DNAH3: variants seen among roughly 807,000 people sequenced by gnomAD.
DNAH3 encodes the protein dynein axonemal heavy chain 3, also known as axonemal beta dynein heavy chain 3.
A neutral mutation model predicts 432.5 loss-of-function variants in DNAH3; 332 were observed. That is an observed-to-expected ratio of 0.77 (90% CI 0.70 to 0.84). The LOEUF (loss-of-function observed/expected upper bound fraction) is 0.84, where lower values mean the gene tolerates loss of function less well. Ranked by LOEUF, DNAH3 falls within the 40% of genes least tolerant of loss-of-function variation. The pLI, the probability that DNAH3 is intolerant of heterozygous loss-of-function variation, is 0.00. For missense variants in DNAH3, 4,861 were observed against 5,114.0 expected, an observed-to-expected ratio of 0.95 and a Z score of 1.51; for synonymous variants, 1,956 against 1,900.2, an observed-to-expected ratio of 1.03 and a Z score of -0.76.
At chr16:21,155,199 C>T (rs2092890165) in intron 1 of DNAH3, among the ~76,000 whole-genome samples, 1 of 152,026 alleles carries the variant, frequency 6.6e-6, no homozygotes. Flanking sequence ...ATCTGCCCAC[C>T]TCCGCCTCCC....
intron 56 of DNAH3, among the ~76,000 whole-genome samples, chr16:20,952,043 A>G (rs899366251): frequency 2.0e-5 from 3 of 151,816 alleles, no homozygotes; most frequent in Non-Finnish European, 2.9e-5. Context: ...ACGCCTGGCC[A>G]ATTTTTTAAT....
chr16:20,980,170 A>AAAAT (rs1555516900), intron 49 of DNAH3, among the ~76,000 whole-genome samples: 1 of 133,642 alleles, frequency 7.5e-6, no homozygotes, highest in Non-Finnish European at 1.6e-5. Context: ...TAGAAAAAAA[A>AAAAT]ATATATATAT....
At chr16:21,060,243 T>C in intron 26 of DNAH3, 21 bp downstream of exon 26, 1 of 1,593,344 alleles carries the variant, frequency 6.3e-7, no homozygotes, top group Non-Finnish European at 8.6e-7. Context: ...TCCTGGCATG[T>C]GTACCCCGGT....
intron 44 of DNAH3, among the ~76,000 whole-genome samples, chr16:20,995,038 C>T (rs1567606574): frequency 6.6e-6 from 1 of 151,886 alleles, no homozygotes; most frequent in African/African-American, 2.4e-5. Context: ...AAGGTTCAAG[C>T]GATCCTCCTG....
intron 17 of DNAH3, among the ~76,000 whole-genome samples, chr16:21,098,216 T>C (rs1417117360): frequency 6.6e-6 from 1 of 151,374 alleles, no homozygotes; most frequent in Non-Finnish European, 1.5e-5. Context: ...ATGAGGCAGG[T>C]GGATCACTTG....
intron 44 of DNAH3, among the ~76,000 whole-genome samples, chr16:20,995,137 T>G (rs2086709904): frequency 6.6e-6 from 1 of 152,072 alleles, no homozygotes; most frequent in Non-Finnish European, 1.5e-5. Context: ...GTAGAGATGG[T>G]GTTTCGCCAA....
chr16:20,998,236 A>G (rs1232550456), intron 43 of DNAH3, among the ~76,000 whole-genome samples: 1 of 152,018 alleles, frequency 6.6e-6, no homozygotes, highest in Non-Finnish European at 1.5e-5. Flanking sequence ...CTAGGCCTTG[A>G]GCTGGAGTTT....
chr16:21,075,356 C>T, intron 21 of DNAH3, 91 bp downstream of exon 21: 1 of 910,582 alleles, frequency 1.1e-6, no homozygotes, highest in Non-Finnish European at 1.8e-6. Flanking sequence ...TCTGTGAGTT[C>T]TGTTGCCATT....
chr16:21,144,647 T>G (rs186286129), intron 3 of DNAH3, among the ~76,000 whole-genome samples: 1 of 152,310 alleles, frequency 6.6e-6, no homozygotes, highest in East Asian at 1.9e-4. Context: ...TTGGAATAAC[T>G]TATCATGCAA....
In DNAH3 at chr16:20,990,239, C is replaced by G. The variant is rs535273015; in HGVS notation, c.6602-2174G>C. On this transcript the variant is annotated intron_variant, in intron 44 of 61. Coordinates refer to ENST00000261383, the Ensembl canonical transcript of DNAH3. ...TTACCTTATACGCGCCAAATCCATT[C>G]TCCCCTGCTAATTTGGTATCCTTAT... 7.2e-4 allele frequency among the ~76,000 whole-genome samples: 110 copies of G among 152,384 alleles called. No individual in the cohort carries two copies. In the Middle Eastern group the frequency reaches 0.01, roughly 14 times the overall value.
intron 29 of DNAH3, 126 bp from the exon 30 acceptor site, chr16:21,050,144 T>C (rs1378469593): frequency 4.3e-6 from 3 of 691,776 alleles, no homozygotes; most frequent in Non-Finnish European, 7.2e-6. Flanking sequence ...TTTTTGCCAT[T>C]GAAAGTAATG....
At chr16:21,029,329 T>G (rs2088751014) in intron 37 of DNAH3, among the ~76,000 whole-genome samples, 1 of 152,232 alleles carries the variant, frequency 6.6e-6, no homozygotes, top group African/African-American at 2.4e-5. Flanking sequence ...TTAAACACAG[T>G]TAGAAAATAT....
intron 38 of DNAH3, among the ~76,000 whole-genome samples, chr16:21,025,015 C>T (rs1182781644): frequency 6.6e-6 from 1 of 152,152 alleles, no homozygotes; most frequent in Non-Finnish European, 1.5e-5. Flanking sequence ...ACCTCCGCCT[C>T]CCTGGTTCAA....
rs1233125486 is a variant in DNAH3 at position 20,975,426 on chromosome 16, G to T, written c.8077-11C>A. 3.1e-6 allele frequency: 5 copies of T among 1,608,734 alleles called. No individual in the cohort carries two copies. The South Asian group carries it at 5.6e-5, about 18-fold the overall frequency. On this transcript the variant is annotated splice_polypyrimidine_tract_variant and intron_variant, in intron 50 of 61. Coordinates refer to ENST00000261383, the Ensembl canonical transcript of DNAH3. ...TTGCATAACCGCTACCTAGCAAGGA[G>T]AGAGGTGGGAGAAATCCAGGGTCAG...
At chr16:20,933,646 C>A in intron 61 of DNAH3, 139 bp from the exon 62 acceptor site, 1 of 672,816 alleles carries the variant, frequency 1.5e-6, no homozygotes, top group Non-Finnish European at 2.5e-6. Context: ...GACAATGGGG[C>A]TTCTGTGATA....
intron 29 of DNAH3, 41 bp from the exon 30 acceptor site, chr16:21,050,059 G>T: frequency 1.4e-6 from 2 of 1,410,380 alleles, no homozygotes; most frequent in Non-Finnish European, 2.0e-6. Flanking sequence ...TGAGGTCTAA[G>T]ACACAGGAAA....
At position 21,031,116 on chromosome 16, in the gene DNAH3, T is replaced by A. The variant is rs148202152; in HGVS notation, c.5368A>T (p.Ile1790Phe). The A allele has an allele frequency of 3.3e-3, 5,269 of 1,614,124 alleles. 16 individuals carry two copies. The highest frequency in any genetic ancestry group is 0.015 in the Middle Eastern group (91 of 6,062). ...GCATCCACTGGCCCATCAAATATAATCCACTTGCGATCATCAGAGAGTGAA... is the reference window on the plus strand; with the variant it reads ...GCATCCACTGGCCCATCAAATATAAACCACTTGCGATCATCAGAGAGTGAA... The change falls in exon 37 of 62, where the codon ATT becomes TTT. Residue 1790 changes from isoleucine (I) to phenylalanine (F), a missense_variant. Ile to Phe is a conservative substitution (Grantham distance 21). Coordinates refer to ENST00000261383, the Ensembl canonical transcript of DNAH3.
chr16:20,992,458 G>C (rs541073177), intron 44 of DNAH3, among the ~76,000 whole-genome samples: 1 of 152,154 alleles, frequency 6.6e-6, no homozygotes. Flanking sequence ...CCATTCTCCC[G>C]CCTCAGCCTC....
At chr16:21,137,530 CT>C (rs1363320900) in intron 5 of DNAH3, among the ~76,000 whole-genome samples, 1 of 151,348 alleles carries the variant, frequency 6.6e-6, no homozygotes, top group African/African-American at 2.4e-5. Flanking sequence ...TCAAGCAATT[CT>C]CCTGCCTCAG....
Sources: allele counts gnomAD v4.1 joint callset (sites outside exome capture counted in the v4.1 genomes callset), GRCh38; gene constraint gnomAD v4.1.1; transcripts MANE v1.5; gene names NCBI Gene and HGNC (gene_info 2026-07-23, HGNC 2026-07-21).